Variants in NOP58 observed in about 807,000 individuals in gnomAD.
The protein encoded by NOP58 is nucleolar protein 58.
In NOP58, 44 loss-of-function variants were observed where a neutral mutation model predicts 71.2. The observed-to-expected ratio is 0.62, with a 90% CI of 0.49 to 0.79. The LOEUF is 0.79. NOP58 is among the 30% of genes least tolerant of loss of function. The probability of loss-of-function intolerance (pLI) is 0.00; values close to 1 mark genes in which losing one functional copy is unlikely to be tolerated. For synonymous variants in NOP58, 228 were observed against 200.3 expected, an observed-to-expected ratio of 1.14 and a Z score of -1.17; for missense variants, 538 against 620.2, an observed-to-expected ratio of 0.87 and a Z score of 1.41.
chr2:202,291,733 G>A (rs1180018706), intron 8 of NOP58, among the ~76,000 whole-genome samples: 1 of 149,446 alleles, frequency 6.7e-6, no homozygotes, highest in Non-Finnish European at 1.5e-5. Flanking sequence ...CTTGAACCAG[G>A]GAGGGGGAGG....
intron 10 of NOP58, 109 bp downstream of exon 10, chr2:202,295,946 TG>T (rs1221461853): frequency 1.2e-6 from 1 of 810,212 alleles, no homozygotes; most frequent in Non-Finnish European, 1.8e-6. Flanking sequence ...GTCTCTTTCT[TG>T]TTAAATAGGG....
At chr2:202,282,259 G>T in intron 3 of NOP58, 92 bp from the exon 4 acceptor site, 1 of 925,862 alleles carries the variant, frequency 1.1e-6, no homozygotes, top group Non-Finnish European at 1.6e-6. Flanking sequence ...CCTTTGAAAG[G>T]CCTATTTTAT....
At chr2:202,274,853 G>A (rs1238371828) in intron 1 of NOP58, among the ~76,000 whole-genome samples, 1 of 152,130 alleles carries the variant, frequency 6.6e-6, no homozygotes, top group African/African-American at 2.4e-5. Flanking sequence ...ATCTCTTGAG[G>A]CCAGGTAGAT....
intron 6 of NOP58, 58 bp downstream of exon 6, chr2:202,287,782 C>A: frequency 8.3e-7 from 1 of 1,199,608 alleles, no homozygotes; most frequent in Non-Finnish European, 1.2e-6. Flanking sequence ...CGTTTTCATA[C>A]TGTTGAAACT....
chr2:202,269,741 AAAAAAAAG>A lies in NOP58; in HGVS notation c.45+3775_45+3782del, dbSNP rs556588026. Reference sequence around the variant, plus strand: ...GGGCGACAGGGCAAGACTCCGTCTCAAAAAAAAGAAAAAAAGAAAAAAAGAAATTCCAC... The same window carrying A: ...GGGCGACAGGGCAAGACTCCGTCTCAAAAAAAAGAAAAAAAGAAATTCCAC... On this transcript the variant is annotated intron_variant, in intron 1 of 14. Transcript: ENST00000264279. Among the ~76,000 whole-genome samples, 463 of 151,832 alleles carry A rather than the reference AAAAAAAAG, an allele frequency of 3.0e-3. 1 individual carries two copies. Among genetic ancestry groups the A allele is most frequent in the African/African-American group, 8.1e-3 (336 of 41,432 alleles).
chr2:202,299,633 G>T (rs1200162533), intron 12 of NOP58, among the ~76,000 whole-genome samples: 1 of 150,508 alleles, frequency 6.6e-6, no homozygotes, highest in African/African-American at 2.4e-5. Flanking sequence ...TGTGCAATTA[G>T]TACTTTTTAC....
At chr2:202,282,562 C>T in intron 4 of NOP58, 90 bp downstream of exon 4, 2 of 1,268,822 alleles carry the variant, frequency 1.6e-6, no homozygotes, top group Non-Finnish European at 2.2e-6. Flanking sequence ...AGTTGCTTAT[C>T]ATAAATTCTC....
chr2:202,292,219 C>A (rs1304648408), intron 8 of NOP58, among the ~76,000 whole-genome samples: 1 of 150,428 alleles, frequency 6.6e-6, no homozygotes, highest in African/African-American at 2.4e-5. Context: ...GTCTTGAACT[C>A]CTGACCTCAT....
At chr2:202,272,037 C>T (rs1053855554) in intron 1 of NOP58, among the ~76,000 whole-genome samples, 5 of 151,946 alleles carry the variant, frequency 3.3e-5, no homozygotes, top group African/African-American at 9.7e-5. Context: ...CACATTAAGA[C>T]GCAGTTCTAG....
rs188608586 is a variant in NOP58, at chr2:202,295,918, C to T, written c.1071+81C>T. On this transcript the variant is annotated intron_variant, in intron 10 of 14. Coordinates refer to ENST00000264279, the MANE Select transcript of NOP58 (RefSeq NM_015934.5). ...CCCATTTTTCTTCTACTCTGTAGTA[C>T]ACATTAAATCTTCTATTGTCTCTTT... The T allele has an allele frequency of 4.7e-3, 4,927 of 1,039,848 alleles. 16 individuals are homozygous for T. Among genetic ancestry groups the T allele is most frequent in the Non-Finnish European group, 6.0e-3 (4,534 of 750,816 alleles). The allele number at this position is 1,039,848 out of a possible 1,614,324, so 64.4% of individuals were successfully genotyped here.
rs922642086 is a variant in NOP58, at chr2:202,303,568, T to G, written c.*132T>G. The G allele has an allele frequency of 1.1e-5, 13 of 1,175,386 alleles. No individual in the cohort carries two copies. Among genetic ancestry groups the G allele is most frequent in the South Asian group, 2.2e-5 (1 of 45,952 alleles). The allele number at this position is 1,175,386 out of a possible 1,614,324, so 72.8% of individuals were successfully genotyped here. On this transcript the variant is annotated 3_prime_UTR_variant, in exon 15 of 15. Transcript: ENST00000264279. Reference sequence around the variant, plus strand: ...ACAAAGTGATTTATCATCTATAACTTCAAACCTATTTGTCTTGACATCAAC... The same window carrying G: ...ACAAAGTGATTTATCATCTATAACTGCAAACCTATTTGTCTTGACATCAAC...
chr2:202,296,344 C>T (rs1688992790), intron 10 of NOP58, among the ~76,000 whole-genome samples: 1 of 152,110 alleles, frequency 6.6e-6, no homozygotes, highest in South Asian at 2.1e-4. Flanking sequence ...GCTGGGATTA[C>T]ATGCACGTGC....
In NOP58 at chr2:202,291,165, G is replaced by T; in HGVS notation, c.675G>T (p.Leu225Phe). ...KNYASAKLSE[L>F]LPEEVEAEVK... ...ATGCCTCTGCCAAGCTTTCTGAGTT[G>T]CTGCCAGAAGAAGTTGAAGCAGAAG... is the stretch of plus-strand genomic sequence containing the variant. Residue 225 changes from leucine to phenylalanine, a missense_variant, in exon 8 of 15, where the codon TTG (leucine) becomes TTT (phenylalanine). Coordinates refer to ENST00000264279, the MANE Select transcript of NOP58 (RefSeq NM_015934.5). The T allele has an allele frequency of 2.5e-6, 4 of 1,612,914 alleles. No individual in the cohort carries two copies. Among genetic ancestry groups the T allele is most frequent in the Non-Finnish European group, 3.4e-6 (4 of 1,179,698 alleles).
intron 10 of NOP58, among the ~76,000 whole-genome samples, chr2:202,296,547 A>G (rs1688995971): frequency 6.6e-6 from 1 of 152,150 alleles, no homozygotes; most frequent in Non-Finnish European, 1.5e-5. Flanking sequence ...TATCTTGCAG[A>G]TGATGAAACT....
intron 5 of NOP58, 80 bp from the exon 6 acceptor site, chr2:202,287,580 C>CA (rs539401386): frequency 1.5e-3 from 1,607 of 1,105,920 alleles, no homozygotes; most frequent in Middle Eastern, 1.9e-3. Flanking sequence ...AAAACAAAAA[C>CA]AAAAAAAAAC....
intron 1 of NOP58, among the ~76,000 whole-genome samples, chr2:202,274,400 AT>A (rs1173477305): frequency 0.12 from 12,220 of 104,418 alleles, 354 homozygotes; most frequent in African/African-American, 0.17. Context: ...CTAATTTTGT[AT>A]TTTTTTTTTT....
At position 202,288,315 on chromosome 2, in the gene NOP58, T is replaced by A. The variant is rs544625971; in HGVS notation, c.499+591T>A. Among the ~76,000 whole-genome samples the A allele has an allele frequency of 1.1e-4, 17 of 150,858 alleles. No homozygotes were observed. The East Asian group carries it at 3.3e-3, about 30-fold the overall frequency. On this transcript the variant is annotated intron_variant, in intron 6 of 14. Transcript: ENST00000264279. Reference sequence around the variant, plus strand: ...GCCTGACCAACATGGAGAAATCCCGTCTCTACTAAAAATACAAAATTAACC... The same window carrying A: ...GCCTGACCAACATGGAGAAATCCCGACTCTACTAAAAATACAAAATTAACC...
intron 3 of NOP58, among the ~76,000 whole-genome samples, chr2:202,280,724 T>C (rs1462763574): frequency 1.3e-5 from 2 of 151,864 alleles, no homozygotes; most frequent in African/African-American, 4.8e-5. Flanking sequence ...GCTATTTGCA[T>C]GAAGTGGTTT....
At chr2:202,271,499 G>A (rs777057595) in intron 1 of NOP58, among the ~76,000 whole-genome samples, 5 of 151,970 alleles carry the variant, frequency 3.3e-5, no homozygotes, top group African/African-American at 9.7e-5. Flanking sequence ...CCAGGGAGGT[G>A]GAGGTTGTAG....
Sources: gnomAD v4.1 joint callset for allele counts (sites outside exome capture counted in the v4.1 genomes callset) on GRCh38, gnomAD v4.1.1 for gene constraint, MANE v1.5 for transcripts, NCBI Gene and HGNC (gene_info 2026-07-23, HGNC 2026-07-21) for gene names.